Variants in ASL observed in about 807,000 individuals in gnomAD.
ASL encodes the protein argininosuccinase.
ASL carries 51 observed loss-of-function variants against 69.1 expected under a neutral mutation model. The observed-to-expected ratio is 0.74, with a 90% CI of 0.59 to 0.93. ASL has a LOEUF of 0.93. Ranked by LOEUF, ASL falls within the 40% of genes least tolerant of loss-of-function variation. ASL has a pLI of 0.00. For synonymous variants in ASL, 241 were observed against 247.6 expected (o/e 0.97, Z 0.25); for missense variants, 540 against 623.9 (o/e 0.87, Z 1.43).
chr7:66,082,555 C>T, intron 4 of ASL, 104 bp downstream of exon 4: 1 of 1,328,364 alleles, frequency 7.5e-7, no homozygotes, highest in South Asian at 1.3e-5. Context: ...CATTGGCAGA[C>T]AGCATGTGAG....
At chr7:66,082,487 C>T (rs771810598) in intron 4 of ASL, 36 bp downstream of exon 4, 2 of 1,590,812 alleles carry the variant, frequency 1.3e-6, no homozygotes. Flanking sequence ...TTCCTTGCCT[C>T]CCCTCTCCAC....
Position 66,092,982 on chromosome 7 carries a change from T to G in ASL, c.*70T>G, listed in dbSNP as rs1786899618. On this transcript the variant is annotated 3_prime_UTR_variant, in exon 17 of 17. Transcript: ENST00000304874. ...CTGCTGTGTGTTTCCTGCCCCAGCC[T>G]GGCTCCCTCGTTGCTGGGCTTTCGG... 6.5e-7 allele frequency: 1 copy of G among 1,542,770 alleles called. No homozygotes were observed. Among genetic ancestry groups the G allele is most frequent in the Admixed American group, 1.9e-5 (1 of 51,438 alleles).
intron 6 of ASL, among the ~76,000 whole-genome samples, chr7:66,085,275 G>A (rs1004459586): frequency 1.3e-5 from 2 of 151,656 alleles, no homozygotes; most frequent in African/African-American, 2.4e-5. Context: ...TCAAGAGTTC[G>A]AGACCAGCCT....
At chr7:66,077,104 G>A (rs1272973815) in intron 2 of ASL, among the ~76,000 whole-genome samples, 2 of 152,138 alleles carry the variant, frequency 1.3e-5, no homozygotes, top group Non-Finnish European at 2.9e-5. Context: ...AATAACATAT[G>A]TGAAATCCCT....
At chr7:66,078,590 A>T (rs1283045255) in intron 2 of ASL, among the ~76,000 whole-genome samples, 3 of 152,088 alleles carry the variant, frequency 2.0e-5, no homozygotes, top group Non-Finnish European at 4.4e-5. Context: ...AATGCTCACA[A>T]TAAGGCTATC....
chr7:66,092,108 G>A lies in ASL; in HGVS notation c.1143+22G>A, dbSNP rs376578849. ...AGGGGTAAGTGTGTAGCAGCCAGGG[G>A]GAGGGTGAGGAGATGGGGTGCCCCC... On this transcript the variant is annotated intron_variant, in intron 15 of 16. Transcript: ENST00000304874. The A allele has an allele frequency of 1.7e-5, 28 of 1,607,338 alleles. No homozygotes were observed. In the African/African-American group the frequency reaches 2.4e-4, roughly 14 times the overall value.
rs187585726 is a variant in ASL at position 66,077,382 on chromosome 7, C to T, written c.12+1289C>T. On this transcript the variant is annotated intron_variant, in intron 2 of 16. Coordinates refer to ENST00000304874, the MANE Select transcript of ASL (RefSeq NM_000048.4). ...TGAGACTGCAGTGAGCATGATCTCA[C>T]CACTGCACTCCAGCCCAGGCAACAG... Among the ~76,000 whole-genome samples, 19 of 152,084 alleles carry T rather than the reference C, an allele frequency of 1.2e-4. No individual in the cohort carries two copies. The East Asian group carries it at 2.5e-3, about 20-fold the overall frequency.
chr7:66,089,531 C>T, intron 13 of ASL, 81 bp from the exon 14 acceptor site: 1 of 1,522,412 alleles, frequency 6.6e-7, no homozygotes, highest in Non-Finnish European at 9.1e-7. Flanking sequence ...AGTGGGGATG[C>T]CTCAGTGGGG....
chr7:66,092,477 A>T, intron 15 of ASL, 80 bp from the exon 16 acceptor site: 27 of 1,135,702 alleles, frequency 2.4e-5, no homozygotes, highest in Non-Finnish European at 3.0e-5. Context: ...AAAAAAAAAA[A>T]GGAAGGGGGT....
chr7:66,086,925 T>C (rs961909998), intron 8 of ASL, 104 bp downstream of exon 8: 1 of 1,341,794 alleles, frequency 7.5e-7, no homozygotes, highest in African/African-American at 1.5e-5. Flanking sequence ...AAAACCGCCT[T>C]ATCTGCTCAG....
At chr7:66,087,250 G>GTGTGTGTGTA (rs2115729276) in intron 8 of ASL, 84 bp from the exon 9 acceptor site, 1 of 1,041,608 alleles carries the variant, frequency 9.6e-7, no homozygotes, top group East Asian at 3.5e-5. Flanking sequence ...GTTCGTGTGT[G>GTGTGTGTGTA]TGTGTGTGTG....
chr7:66,092,461 G>GA (rs67457607), intron 15 of ASL, 96 bp from the exon 16 acceptor site: 45,269 of 964,566 alleles, frequency 0.047, no homozygotes, highest in East Asian at 0.1. Flanking sequence ...GTGTCAAAAA[G>GA]AAAAAAAAAA....
intron 6 of ASL, 144 bp from the exon 7 acceptor site, chr7:66,086,441 T>C: frequency 3.4e-6 from 3 of 886,158 alleles, no homozygotes; most frequent in Non-Finnish European, 5.4e-6. Context: ...GATTTGTCCC[T>C]GGGAGATCAC....
chr7:66,092,544 C>T lies in ASL; in HGVS notation c.1144-13C>T. 1 of 1,603,854 alleles carries T rather than the reference C, an allele frequency of 6.2e-7. No homozygotes were observed. Among genetic ancestry groups the T allele is most frequent in the Non-Finnish European group, 8.5e-7 (1 of 1,178,004 alleles). ...AAACCTGCCTCAGCGCCATCTTCCTCCCTGGCACCCAGATGCCATTCCGCC... is the reference window on the plus strand; with the variant it reads ...AAACCTGCCTCAGCGCCATCTTCCTTCCTGGCACCCAGATGCCATTCCGCC... On this transcript the variant is annotated splice_polypyrimidine_tract_variant and intron_variant, in intron 15 of 16. Transcript: ENST00000304874.
chr7:66,086,239 C>T (rs313831), intron 6 of ASL, among the ~76,000 whole-genome samples: 15,890 of 152,200 alleles, frequency 0.1, 1,021 homozygotes, highest in South Asian at 0.2. Context: ...GGTCCTCAAA[C>T]GAAACCTCCC....
At chr7:66,084,688 C>T (rs566513916) in intron 6 of ASL, among the ~76,000 whole-genome samples, 35 of 152,062 alleles carry the variant, frequency 2.3e-4, no homozygotes, top group African/African-American at 8.0e-4. Context: ...GGCGTGATCT[C>T]CACTCACTGC....
In ASL at chr7:66,089,096, G is replaced by A. The variant is rs1085307952; in HGVS notation, c.839G>A (p.Gly280Glu). The A allele has an allele frequency of 3.7e-6, 6 of 1,613,834 alleles. No homozygotes were observed. The highest frequency in any genetic ancestry group is 1.7e-5 in the Admixed American group (1 of 60,006). ...FVQLSDAYST[G>E]SSLMPQKKNP... ...GCCAGCACCTCTGTCCCCAGCACGGGAAGCAGCCTGATGCCCCAGAAGAAA... is the reference window on the plus strand; with the variant it reads ...GCCAGCACCTCTGTCCCCAGCACGGAAAGCAGCCTGATGCCCCAGAAGAAA... Residue 280 changes from glycine (G) to glutamate (E), a missense_variant, in exon 12 of 17, where the codon GGA becomes GAA. Coordinates refer to ENST00000304874, the MANE Select transcript of ASL (RefSeq NM_000048.4).
rs1169719439 is a variant in ASL, at chr7:66,081,927, G to A, written c.137G>A (p.Ser46Asn). 1.2e-6 allele frequency: 2 copies of A among 1,613,858 alleles called. No individual in the cohort carries two copies. Among genetic ancestry groups the A allele is most frequent in the African/African-American group, 2.7e-5 (2 of 75,022 alleles). ...EVDVQGSKAY[S>N]RGLEKAGLLT... ...GATGTTCAAGGCAGCAAAGCCTACA[G>A]CAGGGGCCTGGAGAAGGCAGGGCTC... Residue 46 changes from serine (S) to asparagine (N), a missense_variant, in exon 3 of 17, where the codon AGC (serine) becomes AAC (asparagine). Ser to Asn is a conservative substitution (Grantham distance 46). Transcript: ENST00000304874.
At chr7:66,082,113 T>C in intron 3 of ASL, 116 bp downstream of exon 3, 1 of 1,306,156 alleles carries the variant, frequency 7.7e-7, no homozygotes, top group South Asian at 1.3e-5. Context: ...ATTGAACTAA[T>C]TATATACTCA....
Sources: allele counts gnomAD v4.1 joint callset (sites outside exome capture counted in the v4.1 genomes callset), GRCh38; gene constraint gnomAD v4.1.1; transcripts MANE v1.5; gene names NCBI Gene and HGNC (gene_info 2026-07-23, HGNC 2026-07-21).